LOXL4: variants seen among roughly 807,000 people sequenced by gnomAD.
LOXL4 encodes the protein lysyl oxidase like 4, also known as lysyl oxidase homolog 4.
LOXL4 carries 72 observed loss-of-function variants against 89.1 expected under a neutral mutation model. That is an observed-to-expected ratio of 0.81 (90% CI 0.67 to 0.98). The LOEUF (loss-of-function observed/expected upper bound fraction) is 0.98, where lower values mean the gene tolerates loss of function less well. Ranked by LOEUF, LOXL4 falls within the 50% of genes least tolerant of loss-of-function variation. LOXL4 has a pLI of 0.00. For missense variants in LOXL4, 984 were observed against 1,017.5 expected, an observed-to-expected ratio of 0.97 and a Z score of 0.45; for synonymous variants, 355 against 392.1, an observed-to-expected ratio of 0.91 and a Z score of 1.12.
chr10:98,264,753 C>T (rs1858637352), intron 1 of LOXL4, among the ~76,000 whole-genome samples: 1 of 152,186 alleles, frequency 6.6e-6, no homozygotes, highest in Non-Finnish European at 1.5e-5. Flanking sequence ...GCTGAAGCTC[C>T]TCCACCCCAA....
In LOXL4 at chr10:98,266,814, C is replaced by T. The variant is rs11189530; in HGVS notation, c.-33+1318G>A. Among the ~76,000 whole-genome samples, 87 of 152,334 alleles carry T rather than the reference C, an allele frequency of 5.7e-4. 1 individual carries two copies. The East Asian group carries it at 0.017, about 29-fold the overall frequency. On this transcript the variant is annotated intron_variant, in intron 1 of 14. Coordinates refer to ENST00000260702, the MANE Select transcript of LOXL4 (RefSeq NM_032211.7). ...AGGCCAGCTCAAATGCCACCCCCTC[C>T]ATTAAGCCCTCCCACAAAGCCTTCC...
intron 11 of LOXL4, among the ~76,000 whole-genome samples, chr10:98,252,678 A>C (rs753548741): frequency 2.0e-5 from 3 of 152,078 alleles, no homozygotes; most frequent in Non-Finnish European, 4.4e-5. Context: ...AGCTGCCCCC[A>C]CCACCTAGGG....
At position 98,259,014 on chromosome 10, in the gene LOXL4, C is replaced by T. The variant is rs761214866; in HGVS notation, c.916G>A (p.Ala306Thr). The part of the protein sequence containing the change: ...KTKPQRKGSW[A>T]EEPRVRLRSG... ...GCAGGATGCCCAGGGCTCACCTCTG[C>T]CCAGGACCCTTTGCGTTGTGGCTTT... Residue 306 changes from alanine to threonine, a missense_variant, in exon 6 of 15, where the codon GCA (alanine) becomes ACA (threonine). Coordinates refer to ENST00000260702, the MANE Select transcript of LOXL4 (RefSeq NM_032211.7). 1.3e-6 allele frequency: 2 copies of T among 1,547,300 alleles called. No homozygotes were observed. Among genetic ancestry groups the T allele is most frequent in the Non-Finnish European group, 1.7e-6 (2 of 1,144,218 alleles).
intron 1 of LOXL4, among the ~76,000 whole-genome samples, chr10:98,266,065 TC>T (rs1269867107): frequency 1.3e-5 from 2 of 152,282 alleles, no homozygotes; most frequent in African/African-American, 4.8e-5. Flanking sequence ...CAGAGTGCTC[TC>T]CATTGTTTCC....
At chr10:98,249,109 A>G in intron 14 of LOXL4, 118 bp from the exon 15 acceptor site, 1 of 733,684 alleles carries the variant, frequency 1.4e-6, no homozygotes, top group Non-Finnish European at 2.4e-6. Context: ...TGGCATGGGC[A>G]CAGACACCAA....
chr10:98,262,047 G>C lies in LOXL4; in HGVS notation c.444C>G (p.Ala148=). 1 of 1,609,556 alleles carries C rather than the reference G, an allele frequency of 6.2e-7. No individual in the cohort carries two copies. The highest frequency in any genetic ancestry group is 8.5e-7 in the Non-Finnish European group (1 of 1,177,916). Residue 148 remains alanine, a synonymous_variant, in exon 3 of 15, where the codon GCC becomes GCG. Transcript: ENST00000260702. ...ACAGCCTCCTCACCTGGGGCCCAAGGGCATTGGAGACAGTTTCAGAAAGGT... is the reference window on the plus strand; with the variant it reads ...ACAGCCTCCTCACCTGGGGCCCAAGCGCATTGGAGACAGTTTCAGAAAGGT... ...RGYLSETVSN[A]LGPQGRRLEE... is the part of the protein sequence containing the mutation.
chr10:98,255,576 C>G lies in LOXL4; in HGVS notation c.1591+1G>C. 6.3e-7 allele frequency: 1 copy of G among 1,599,884 alleles called. No homozygotes were observed. Among genetic ancestry groups the G allele is most frequent in the Non-Finnish European group, 8.6e-7 (1 of 1,168,480 alleles). Reference sequence around the variant, plus strand: ...AGCCCTGTGAGCCCTCCGTCACTCACTGTCCATGCAGGAGACTCCAGCCAG... The same window carrying G: ...AGCCCTGTGAGCCCTCCGTCACTCAGTGTCCATGCAGGAGACTCCAGCCAG... On this transcript the variant is annotated splice_donor_variant, in intron 10 of 14. Transcript: ENST00000260702. LOFTEE classifies it high-confidence loss of function.
chr10:98,256,499 A>G (rs1280196063), intron 9 of LOXL4: 2 of 463,126 alleles, frequency 4.3e-6, no homozygotes, highest in East Asian at 4.5e-5. Context: ...CTCTGGCCAC[A>G]GGGCTTTTGC....
At chr10:98,254,516 G>C (rs975315741) in intron 10 of LOXL4, among the ~76,000 whole-genome samples, 32 of 152,218 alleles carry the variant, frequency 2.1e-4, no homozygotes, top group African/African-American at 7.2e-4. Context: ...GACAAACCTA[G>C]AGTTTCTTGG....
At chr10:98,262,618 G>T in intron 2 of LOXL4, 125 bp downstream of exon 2, 1 of 1,235,792 alleles carries the variant, frequency 8.1e-7, no homozygotes, top group Non-Finnish European at 1.1e-6. Context: ...GAGGCACTCA[G>T]GAAATGCCGT....
At chr10:98,251,250 CT>C in intron 13 of LOXL4, 74 bp from the exon 14 acceptor site, 3 of 1,118,920 alleles carry the variant, frequency 2.7e-6, no homozygotes, top group Non-Finnish European at 1.3e-6. Flanking sequence ...TGTGATAATC[CT>C]TACATGTGTT....
chr10:98,252,280 A>C (rs1356660247), intron 12 of LOXL4, 73 bp downstream of exon 12: 6 of 1,192,906 alleles, frequency 5.0e-6, no homozygotes, highest in Non-Finnish European at 7.4e-6. Context: ...GGCAGAGAGA[A>C]AGCCTGATCC....
At chr10:98,251,851 C>G in intron 12 of LOXL4, 149 bp from the exon 13 acceptor site, 3 of 923,086 alleles carry the variant, frequency 3.2e-6, no homozygotes, top group Non-Finnish European at 4.8e-6. Flanking sequence ...AGCACCATAG[C>G]AAACCACATT....
At chr10:98,256,517 A>G (rs1543563) in intron 9 of LOXL4, 498,416 of 517,058 alleles carry the variant, frequency 0.96, 242,473 homozygotes, top group East Asian at 1. Context: ...TGCATAAGCT[A>G]TTCATTCCTC....
intron 6 of LOXL4, 62 bp downstream of exon 6, chr10:98,258,947 C>T (rs1858459124): frequency 1.5e-6 from 2 of 1,369,334 alleles, no homozygotes; most frequent in South Asian, 1.4e-5. Context: ...GCACCCCCCA[C>T]CAGGCAGTGT....
At chr10:98,258,825 T>TA (rs1858454510) in intron 6 of LOXL4, among the ~76,000 whole-genome samples, 184 bp downstream of exon 6, 1 of 152,228 alleles carries the variant, frequency 6.6e-6, no homozygotes, top group South Asian at 2.1e-4. Context: ...TTTCCATTTA[T>TA]GGTAGGGCTA....
chr10:98,252,278 GAA>G, intron 12 of LOXL4, 73 bp downstream of exon 12: 2 of 1,180,014 alleles, frequency 1.7e-6, no homozygotes, highest in Non-Finnish European at 2.5e-6. Flanking sequence ...AGGGCAGAGA[GAA>G]AGCCTGATCC....
chr10:98,262,626 C>A, intron 2 of LOXL4, 117 bp downstream of exon 2: 1 of 1,277,130 alleles, frequency 7.8e-7, no homozygotes, highest in South Asian at 1.4e-5. Context: ...CAGGAAATGC[C>A]GTGTGGAGGA....
chr10:98,252,291 C>CTTT, intron 12 of LOXL4, 62 bp downstream of exon 12: 1 of 1,306,272 alleles, frequency 7.7e-7, no homozygotes, highest in Non-Finnish European at 1.1e-6. Context: ...AGCCTGATCC[C>CTTT]AAAGGGGCTG....
Sources: allele counts gnomAD v4.1 joint callset (sites outside exome capture counted in the v4.1 genomes callset), GRCh38; gene constraint gnomAD v4.1.1; transcripts MANE v1.5; gene names NCBI Gene and HGNC (gene_info 2026-07-23, HGNC 2026-07-21).